RNF38: variants seen among roughly 807,000 people sequenced by gnomAD.
RNF38 encodes the protein E3 ubiquitin-protein ligase RNF38.
RNF38 carries 15 observed loss-of-function variants against 67.2 expected under a neutral mutation model. The ratio of observed to expected loss-of-function variants is 0.22; its 90% confidence interval spans 0.15 to 0.34. The LOEUF is 0.34. Ranked by LOEUF, RNF38 falls within the 10% of genes least tolerant of loss-of-function variation. The pLI, the probability that RNF38 is intolerant of heterozygous loss-of-function variation, is 1.00. For missense variants in RNF38, 524 were observed against 639.9 expected (o/e 0.82, Z 1.95); for synonymous variants, 220 against 218.8 (o/e 1.01, Z -0.05).
chr9:36,429,908 T>G (rs983196142), intron 1 of RNF38, among the ~76,000 whole-genome samples: 1 of 152,214 alleles, frequency 6.6e-6, no homozygotes, highest in Non-Finnish European at 1.5e-5. Flanking sequence ...ATATTTTCCA[T>G]GCAGTTGGCT....
chr9:36,443,225 C>T (rs1382904536), intron 1 of RNF38, among the ~76,000 whole-genome samples: 1 of 152,142 alleles, frequency 6.6e-6, no homozygotes, highest in Admixed American at 6.5e-5. Context: ...ATAGTGATGG[C>T]AAGACCTGGA....
intron 4 of RNF38, among the ~76,000 whole-genome samples, chr9:36,368,149 TG>T (rs1318395031): frequency 6.6e-6 from 1 of 152,228 alleles, no homozygotes; most frequent in African/African-American, 2.4e-5. Context: ...CCACTGCACC[TG>T]GCCTCAGGTG....
At chr9:36,366,236 A>G (rs1363368136) in intron 4 of RNF38, among the ~76,000 whole-genome samples, 2 of 152,198 alleles carry the variant, frequency 1.3e-5, no homozygotes, top group African/African-American at 4.8e-5. Context: ...TTAATTAGCC[A>G]CAACAGCATT....
chr9:36,486,705 C>A (rs1275616876), intron 1 of RNF38, among the ~76,000 whole-genome samples: 1 of 152,162 alleles, frequency 6.6e-6, no homozygotes, highest in South Asian at 2.1e-4. Flanking sequence ...GCCCTCTCCC[C>A]GAGAGCACAC....
At chr9:36,483,247 A>C (rs893216699) in intron 1 of RNF38, among the ~76,000 whole-genome samples, 7 of 152,050 alleles carry the variant, frequency 4.6e-5, no homozygotes, top group Non-Finnish European at 8.8e-5. Flanking sequence ...TTATCCGGGC[A>C]TGGTGGCAGG....
chr9:36,395,887 A>G (rs1369647257), intron 1 of RNF38, among the ~76,000 whole-genome samples: 1 of 152,204 alleles, frequency 6.6e-6, no homozygotes, highest in Non-Finnish European at 1.5e-5. Flanking sequence ...AACCAGAAAC[A>G]CTACTACTTG....
At chr9:36,349,563 ACCTGTAGTCTGCCTTT>A (rs1304804182) in intron 9 of RNF38, among the ~76,000 whole-genome samples, 1 of 151,890 alleles carries the variant, frequency 6.6e-6, no homozygotes, top group Non-Finnish European at 1.5e-5. Context: ...TTTTCTCCCA[ACCTGTAGTCTGCCTTT>A]CATTCTGCTG....
intron 1 of RNF38, among the ~76,000 whole-genome samples, chr9:36,442,440 A>G (rs1839212271): frequency 6.6e-6 from 1 of 152,212 alleles, no homozygotes; most frequent in Non-Finnish European, 1.5e-5. Flanking sequence ...GATAGTGACC[A>G]AACTGTCAGC....
intron 1 of RNF38, among the ~76,000 whole-genome samples, chr9:36,397,081 GTATA>G (rs1554690248): frequency 0.056 from 7,928 of 141,608 alleles, 675 homozygotes; most frequent in African/African-American, 0.18. Flanking sequence ...ATGTGTGTGT[GTATA>G]TATATATATA....
At chr9:36,487,145 G>A (rs79186878) in intron 1 of RNF38, among the ~76,000 whole-genome samples, 2 of 152,194 alleles carry the variant, frequency 1.3e-5, no homozygotes, top group Admixed American at 1.3e-4. Context: ...GCTCGGCGCG[G>A]CTGAGGCGCA....
upstream of RNF38, among the ~76,000 whole-genome samples, chr9:36,405,284 T>TAA (rs1838150212): frequency 6.6e-6 from 1 of 151,808 alleles, no homozygotes; most frequent in South Asian, 2.1e-4. Flanking sequence ...AAAAAATTCA[T>TAA]AAATGGATGT....
rs1432538293 is a variant in RNF38, at chr9:36,376,996, G to GATTTACA, written c.163-876_163-870dup. Among the ~76,000 whole-genome samples the GATTTACA allele has an allele frequency of 8.6e-5, 13 of 150,960 alleles. No homozygotes were observed. The East Asian group carries it at 2.5e-3, about 29-fold the overall frequency. On this transcript the variant is annotated intron_variant, in intron 2 of 11. Coordinates refer to ENST00000259605, the MANE Select transcript of RNF38 (RefSeq NM_022781.5). ...ATGTTAGACAGATAAAGAAATAGCAGATTTACATGATCAGTTCTTAACTAG... is the reference window on the plus strand; with the variant it reads ...ATGTTAGACAGATAAAGAAATAGCAGATTTACAATTTACATGATCAGTTCTTAACTAG...
chr9:36,419,315 C>T (rs759812907), intron 2 of RNF38, among the ~76,000 whole-genome samples: 1 of 152,192 alleles, frequency 6.6e-6, no homozygotes, highest in Non-Finnish European at 1.5e-5. Context: ...ATTACTTATA[C>T]CACAAGCTGG....
intron 8 of RNF38, 54 bp downstream of exon 8, chr9:36,352,688 G>A (rs1001983530): frequency 8.0e-7 from 1 of 1,246,246 alleles, no homozygotes. Flanking sequence ...ACAAAGGAAA[G>A]AGAATCTCAA....
rs1473627645 is a variant in RNF38 at position 36,369,714 on chromosome 9, T to C, written c.570+5A>G. On this transcript the variant is annotated splice_donor_5th_base_variant and intron_variant, in intron 4 of 11. Coordinates refer to ENST00000259605, the MANE Select transcript of RNF38 (RefSeq NM_022781.5). ...CTGTATTTCCAAGACATTCTGTTATTGTACCTGATCATGTATGTCAACCAT... is the reference window on the plus strand; with the variant it reads ...CTGTATTTCCAAGACATTCTGTTATCGTACCTGATCATGTATGTCAACCAT... 1.9e-6 allele frequency: 3 copies of C among 1,591,144 alleles called. No homozygotes were observed. Among genetic ancestry groups the C allele is most frequent in the East Asian group, 2.3e-5 (1 of 44,324 alleles).
chr9:36,364,076 C>G, intron 4 of RNF38, among the ~76,000 whole-genome samples: 1 of 131,046 alleles, frequency 7.6e-6, no homozygotes, highest in Admixed American at 7.7e-5. Context: ...GGGATCTGCC[C>G]ACTTCAGCCT....
Position 36,338,549 on chromosome 9 carries a change from G to A in RNF38, c.*1203C>T, listed in dbSNP as rs1186069581. On this transcript the variant is annotated 3_prime_UTR_variant, in exon 12 of 12. Transcript: ENST00000259605. ...AACTTTCAGAATTGGAGTCTGGCAA[G>A]TGAATTAATATGAACAGAAATAGAG... 2.0e-5 allele frequency: 3 copies of A among 152,248 alleles called. No individual in the cohort carries two copies. Among genetic ancestry groups the A allele is most frequent in the African/African-American group, 7.2e-5 (3 of 41,474 alleles). The allele number at this position is 152,248 out of a possible 1,614,324, so 9.4% of individuals were successfully genotyped here. A position where few individuals can be genotyped will look rare whatever the true frequency, so the allele number is the denominator to read the frequency against.
At chr9:36,476,261 G>A (rs1840118388) in intron 1 of RNF38, among the ~76,000 whole-genome samples, 1 of 151,884 alleles carries the variant, frequency 6.6e-6, no homozygotes, top group African/African-American at 2.4e-5. Flanking sequence ...TAGGATTACA[G>A]GCACCCGCCA....
At chr9:36,405,418 T>C (rs776388669), upstream of RNF38, among the ~76,000 whole-genome samples, 2 of 152,378 alleles carry the variant, frequency 1.3e-5, no homozygotes, top group South Asian at 2.1e-4. Flanking sequence ...TTAGGCTTAC[T>C]GTATTGCTCT....
Sources: gnomAD v4.1 joint callset for allele counts (sites outside exome capture counted in the v4.1 genomes callset) on GRCh38, gnomAD v4.1.1 for gene constraint, MANE v1.5 for transcripts, NCBI Gene and HGNC (gene_info 2026-07-23, HGNC 2026-07-21) for gene names.